SI: variants seen among roughly 807,000 people sequenced by gnomAD.
The protein encoded by SI is sucrase-isomaltase, intestinal.
In SI, 235 loss-of-function variants were observed where a neutral mutation model predicts 253.3. The ratio of observed to expected loss-of-function variants is 0.93; its 90% CI spans 0.83 to 1.03. SI has a LOEUF of 1.03. Ranked by LOEUF, SI falls within the 50% of genes least tolerant of loss-of-function variation. The pLI, the probability that SI is intolerant of heterozygous loss-of-function variation, is 0.00. For synonymous variants in SI, 819 were observed against 712.0 expected, an observed-to-expected ratio of 1.15 and a Z score of -2.39; for missense variants, 2,442 against 2,211.1, an observed-to-expected ratio of 1.10 and a Z score of -2.09.
intron 25 of SI, among the ~76,000 whole-genome samples, chr3:165,025,632 C>A (rs1051962172): frequency 6.6e-6 from 1 of 150,964 alleles, no homozygotes; most frequent in African/African-American, 2.4e-5. Flanking sequence ...AAGAAAACAG[C>A]AGATTTCTCA....
upstream of SI, among the ~76,000 whole-genome samples, chr3:165,081,615 G>A (rs1034141682): frequency 6.6e-6 from 1 of 151,876 alleles, no homozygotes; most frequent in African/African-American, 2.4e-5. Flanking sequence ...TTTTCACAGC[G>A]ATAATGCAGA....
At chr3:165,039,532 C>T (rs1042613065) in intron 19 of SI, among the ~76,000 whole-genome samples, 6 of 152,010 alleles carry the variant, frequency 3.9e-5, no homozygotes, top group African/African-American at 1.4e-4. Flanking sequence ...AGCGAGTTTT[C>T]CAGTTCCTCT....
chr3:165,048,975 T>A, intron 15 of SI, 152 bp downstream of exon 15: 1 of 653,192 alleles, frequency 1.5e-6, no homozygotes, highest in Non-Finnish European at 2.8e-6. Flanking sequence ...AGAGAACTGA[T>A]ATTTTGAATG....
Position 164,996,733 on chromosome 3 carries a change from CT to C in SI, c.4575+4del. On this transcript the variant is annotated splice_donor_region_variant and intron_variant, in intron 39 of 47. Transcript: ENST00000264382. Reference sequence around the variant, plus strand: ...TATGAAGATAAAAGGAATAAAACTACTTACATATGACATTCCAAACAGACTA... The same window carrying C: ...TATGAAGATAAAAGGAATAAAACTACTACATATGACATTCCAAACAGACTA... The C allele has an allele frequency of 8.7e-7, 1 of 1,154,376 alleles. No individual in the cohort carries two copies. The highest frequency in any genetic ancestry group is 1.3e-6 in the Non-Finnish European group (1 of 774,010). 71.5% of individuals were successfully genotyped at this position (1,154,376 alleles called of 1,614,324 possible). A position where few individuals can be genotyped will look rare whatever the true frequency, so the allele number is the denominator to read the frequency against.
Position 165,032,613 on chromosome 3 carries a change from C to A in SI, c.2645G>T (p.Gly882Val). 6.2e-7 allele frequency: 1 copy of A among 1,608,852 alleles called. No homozygotes were observed. Among genetic ancestry groups the A allele is most frequent in the Non-Finnish European group, 8.5e-7 (1 of 1,176,538 alleles). The change falls in exon 24 of 48, where the codon GGG becomes GTG. Residue 882 changes from glycine (G) to valine (V), a missense_variant. Gly to Val is a moderately radical substitution (Grantham distance 109, BLOSUM62 -3). Coordinates refer to ENST00000264382, the MANE Select transcript of SI (RefSeq NM_001041.4). ...AACTTCTGTAACACTGTCTGTCAAC[C>A]CAAGGATTTTTACAGTCTGAAATGC... is the stretch of plus-strand genomic sequence containing the variant. ...TLAFQTVKILGLTDSVTEVRV... is the reference protein window; with the variant it reads ...TLAFQTVKILVLTDSVTEVRV...
At position 164,984,346 on chromosome 3, in the gene SI, C is replaced by T. The variant is rs144366025; in HGVS notation, c.5198-1295G>A. The stretch of plus-strand genomic sequence containing the variant: ...TACCTATACTAAAATGGATATTCTG[C>T]CTAAGACTTTTTTATGTATGCTAAT... On this transcript the variant is annotated intron_variant, in intron 45 of 47. Transcript: ENST00000264382. 6.6e-5 allele frequency among the ~76,000 whole-genome samples: 10 copies of T among 152,142 alleles called. No homozygotes were observed. In the East Asian group the frequency reaches 1.7e-3, roughly 27 times the overall value.
chr3:165,056,756 G>A (rs368073983), intron 12 of SI, among the ~76,000 whole-genome samples: 1 of 152,144 alleles, frequency 6.6e-6, no homozygotes, highest in African/African-American at 2.4e-5. Context: ...AAGAGCCATG[G>A]CATTATTGGG....
At chr3:165,028,392 C>T (rs10936429) in intron 25 of SI, among the ~76,000 whole-genome samples, 109,293 of 151,084 alleles carry the variant, frequency 0.72, 40,561 homozygotes, top group East Asian at 0.85. Flanking sequence ...TCAATGCAAT[C>T]CTCATCAAAA....
In SI at chr3:165,038,875, G is replaced by A. The variant is rs930408486; in HGVS notation, c.2301+203C>T. 3.3e-5 allele frequency among the ~76,000 whole-genome samples: 5 copies of A among 151,974 alleles called. No homozygotes were observed. In the East Asian group the frequency reaches 9.7e-4, roughly 30 times the overall value. On this transcript the variant is annotated intron_variant, in intron 20 of 47. Coordinates refer to ENST00000264382, the MANE Select transcript of SI (RefSeq NM_001041.4). Reference sequence around the variant, plus strand: ...CTAAATAATATAACTTCATATTTGAGTCTAGCTCATGTGCAACAAAGGGTA... The same window carrying A: ...CTAAATAATATAACTTCATATTTGAATCTAGCTCATGTGCAACAAAGGGTA...
chr3:165,006,683 G>T, intron 37 of SI, 133 bp downstream of exon 37: 2 of 711,800 alleles, frequency 2.8e-6, no homozygotes, highest in Non-Finnish European at 4.8e-6. Context: ...TGCTATGAAG[G>T]AAGAAGTTAC....
At chr3:164,988,712 G>A (rs945212516) in intron 44 of SI, among the ~76,000 whole-genome samples, 7 of 152,080 alleles carry the variant, frequency 4.6e-5, no homozygotes, top group African/African-American at 1.7e-4. Context: ...ACAGAGACAG[G>A]GTCCTCTAGA....
chr3:165,003,320 A>G (rs1218749821), intron 37 of SI, among the ~76,000 whole-genome samples: 2 of 151,848 alleles, frequency 1.3e-5, no homozygotes, highest in African/African-American at 2.4e-5. Context: ...TCAATTTTCA[A>G]TATTTTTGTT....
the SI span, among the ~76,000 whole-genome samples, chr3:165,086,483 C>T: frequency 6.6e-6 from 1 of 152,096 alleles, no homozygotes; most frequent in Admixed American, 6.6e-5. Flanking sequence ...ATTGTTAGGA[C>T]TTTCTACTTT....
In SI at chr3:165,015,182, C is replaced by T. The variant is rs537105727; in HGVS notation, c.3940G>A (p.Gly1314Arg). Residue 1314 changes from glycine to arginine, a missense_variant, in exon 33 of 48, where the codon GGA becomes AGA. By Grantham distance (125) the Gly-to-Arg change is moderately radical (BLOSUM62 -2). Coordinates refer to ENST00000264382, the MANE Select transcript of SI (RefSeq NM_001041.4). Reference sequence around the variant, plus strand: ...TTGACAAAGACATCATTCTGCTGTCCTCTTTCAAATGCAGGGTAAGTCTTT... The same window carrying T: ...TTGACAAAGACATCATTCTGCTGTCTTCTTTCAAATGCAGGGTAAGTCTTT... ...ETKTYPAFER[G>R]QQNDVFVKWP... is the part of the protein sequence containing the mutation. The T allele has an allele frequency of 6.2e-7, 1 of 1,613,488 alleles. No individual in the cohort carries two copies. Among genetic ancestry groups the T allele is most frequent in the African/African-American group, 1.3e-5 (1 of 75,018 alleles).
At chr3:165,082,345 T>G (rs748914171), upstream of SI, among the ~76,000 whole-genome samples, 1 of 151,964 alleles carries the variant, frequency 6.6e-6, no homozygotes, top group Admixed American at 6.6e-5. Context: ...ATTATTGTAA[T>G]TGTTTCCTAA....
chr3:165,068,311 C>T (rs1356580389), intron 5 of SI, among the ~76,000 whole-genome samples: 2 of 152,052 alleles, frequency 1.3e-5, no homozygotes, highest in Non-Finnish European at 2.9e-5. Flanking sequence ...GCAGAGCACA[C>T]TATTATTATT....
rs1713859323 is a variant in SI at position 165,059,179 on chromosome 3, C to T, written c.1267G>A (p.Val423Ile). The T allele has an allele frequency of 6.2e-7, 1 of 1,612,460 alleles. No individual in the cohort carries two copies. Among genetic ancestry groups the T allele is most frequent in the South Asian group, 1.1e-5 (1 of 91,062 alleles). The change falls in exon 11 of 48, where the codon GTC becomes ATC. Residue 423 changes from valine to isoleucine, a missense_variant. Transcript: ENST00000264382. ...TAATTGATTATTACCAAGATGATGA[C>T]ATATTTCTGTCCATGGTCATGCAAA... is the stretch of plus-strand genomic sequence containing the variant. The part of the protein sequence containing the change: ...QDLHDHGQKY[V>I]IILDPAISIG...
At chr3:165,080,735 C>T (rs1301739338), upstream of SI, among the ~76,000 whole-genome samples, 1 of 151,902 alleles carries the variant, frequency 6.6e-6, no homozygotes, top group African/African-American at 2.4e-5. Flanking sequence ...GGGAACATCG[C>T]ACACTGGGGC....
At chr3:164,983,760 AT>A (rs768421742) in intron 45 of SI, among the ~76,000 whole-genome samples, 9 of 151,412 alleles carry the variant, frequency 5.9e-5, no homozygotes, top group Admixed American at 1.3e-4. Flanking sequence ...TGGCTTTTTT[AT>A]TTTTTTAATT....
Sources: gnomAD v4.1 joint callset for allele counts (sites outside exome capture counted in the v4.1 genomes callset) on GRCh38, gnomAD v4.1.1 for gene constraint, MANE v1.5 for transcripts, NCBI Gene and HGNC (gene_info 2026-07-23, HGNC 2026-07-21) for gene names.